Variants in MTF1 observed in about 807,000 individuals in gnomAD.
MTF1 encodes MRE-binding transcription factor.
In MTF1, 22 loss-of-function variants were observed where a neutral mutation model predicts 70.4. The observed-to-expected ratio is 0.31, with a 90% CI of 0.22 to 0.45. The LOEUF is 0.45. Ranked by LOEUF, MTF1 falls within the 20% of genes least tolerant of loss-of-function variation. The probability of loss-of-function intolerance (pLI) is 1.00; values close to 1 mark genes in which losing one functional copy is unlikely to be tolerated. For synonymous variants in MTF1, 333 were observed against 352.8 expected (o/e 0.94, Z 0.63); for missense variants, 649 against 922.0 (o/e 0.70, Z 3.83).
chr1:37,820,205 C>T (rs1025589912), intron 9 of MTF1, among the ~76,000 whole-genome samples: 1 of 152,184 alleles, frequency 6.6e-6, no homozygotes, highest in African/African-American at 2.4e-5. Context: ...AGTGTTCTCC[C>T]TGTTGAGCCC....
intron 2 of MTF1, among the ~76,000 whole-genome samples, chr1:37,846,173 T>G (rs965946618): frequency 2.0e-5 from 3 of 152,154 alleles, no homozygotes; most frequent in African/African-American, 4.8e-5. Context: ...ATATAAAAAT[T>G]GTCCCTACTC....
intron 2 of MTF1, among the ~76,000 whole-genome samples, chr1:37,846,290 T>C (rs1425825273): frequency 6.6e-6 from 1 of 150,952 alleles, no homozygotes; most frequent in African/African-American, 2.4e-5. Flanking sequence ...CAAAGAAACA[T>C]GTAACAGACT....
chr1:37,858,173 TGA>T (rs1187408132), intron 1 of MTF1, among the ~76,000 whole-genome samples: 1 of 152,224 alleles, frequency 6.6e-6, no homozygotes, highest in Non-Finnish European at 1.5e-5. Flanking sequence ...GCTGAAAGGC[TGA>T]GTTGCTACAA....
intron 2 of MTF1, among the ~76,000 whole-genome samples, chr1:37,843,294 C>T (rs1641283706): frequency 6.6e-6 from 1 of 152,044 alleles, no homozygotes; most frequent in Admixed American, 6.5e-5. Flanking sequence ...AGCCACCACG[C>T]CTGGCCTGGT....
chr1:37,826,296 C>G (rs147204543), intron 7 of MTF1, among the ~76,000 whole-genome samples: 18 of 152,194 alleles, frequency 1.2e-4, no homozygotes, highest in African/African-American at 4.1e-4. Context: ...CTTTTCCCCC[C>G]CTTTTTTTCA....
At chr1:37,837,863 G>A (rs1390739611) in intron 4 of MTF1, among the ~76,000 whole-genome samples, 1 of 152,072 alleles carries the variant, frequency 6.6e-6, no homozygotes, top group Admixed American at 6.5e-5. Context: ...TTACATTTAG[G>A]GGAAATCCTT....
At chr1:37,851,710 T>G (rs1641420440) in intron 2 of MTF1, among the ~76,000 whole-genome samples, 1 of 152,218 alleles carries the variant, frequency 6.6e-6, no homozygotes. Context: ...CATGAAACAC[T>G]TTCACACAGT....
Position 37,813,386 on chromosome 1 carries a change from C to T in MTF1, c.*1750G>A, listed in dbSNP as rs1640765502. 6.6e-6 allele frequency: 1 copy of T among 152,222 alleles called. No individual in the cohort carries two copies. The highest frequency in any genetic ancestry group is 1.5e-5 in the Non-Finnish European group (1 of 68,050). 9.4% of individuals were successfully genotyped at this position (152,222 alleles called of 1,614,324 possible). A position where few individuals can be genotyped will look rare whatever the true frequency, so the allele number is the denominator to read the frequency against. The stretch of plus-strand genomic sequence containing the variant: ...TTCTCCTCATGGCAGTAACAACATT[C>T]ACCACCACTGCCCTCTTTGTCTGTC... On this transcript the variant is annotated 3_prime_UTR_variant, in exon 11 of 11. Coordinates refer to ENST00000373036, the MANE Select transcript of MTF1 (RefSeq NM_005955.3).
At chr1:37,822,026 G>T in intron 9 of MTF1, 95 bp downstream of exon 9, 1 of 983,456 alleles carries the variant, frequency 1.0e-6, no homozygotes, top group Non-Finnish European at 1.5e-6. Context: ...CGGTGGATAT[G>T]ACAGCCACTT....
At chr1:37,851,259 G>C (rs1641414918) in intron 2 of MTF1, among the ~76,000 whole-genome samples, 2 of 152,188 alleles carry the variant, frequency 1.3e-5, no homozygotes, top group Non-Finnish European at 2.9e-5. Context: ...CTCATGGATA[G>C]CATGGAAAAA....
intron 2 of MTF1, among the ~76,000 whole-genome samples, chr1:37,845,908 T>C (rs957214743): frequency 6.6e-6 from 1 of 152,130 alleles, no homozygotes; most frequent in African/African-American, 2.4e-5. Context: ...CTTGCCTCAT[T>C]TGGAGGGAGA....
intron 7 of MTF1, among the ~76,000 whole-genome samples, chr1:37,827,306 G>A (rs559159085): frequency 7.3e-5 from 11 of 150,782 alleles, no homozygotes; most frequent in Non-Finnish European, 1.5e-4. Context: ...AACTACCACT[G>A]AGCATAAGCT....
intron 7 of MTF1, among the ~76,000 whole-genome samples, chr1:37,828,022 T>C (rs542020964): frequency 2.6e-5 from 4 of 152,262 alleles, no homozygotes; most frequent in Admixed American, 6.5e-5. Context: ...ATTTAGTGTA[T>C]TGTGGTATAT....
In MTF1 at chr1:37,858,863, T is replaced by C. The variant is rs952641944; in HGVS notation, c.-52+668A>G. Among the ~76,000 whole-genome samples the C allele has an allele frequency of 2.4e-4, 37 of 152,216 alleles. 1 individual carries two copies. Among genetic ancestry groups the C allele is most frequent in the Admixed American group, 2.4e-3 (37 of 15,276 alleles). ...CATCTGCAAACACAGGCTCTACAAA[T>C]GTGGGTTTGGCAGGCAGAATAGAGA... On this transcript the variant is annotated intron_variant, in intron 1 of 10. Transcript: ENST00000373036.
At chr1:37,853,409 A>T (rs998159571) in intron 2 of MTF1, among the ~76,000 whole-genome samples, 2 of 152,238 alleles carry the variant, frequency 1.3e-5, no homozygotes, top group South Asian at 4.1e-4. Context: ...CTGTTTTTGT[A>T]AAGTCTTATC....
intron 2 of MTF1, among the ~76,000 whole-genome samples, chr1:37,847,820 A>G (rs1439798444): frequency 6.6e-6 from 1 of 151,874 alleles, no homozygotes; most frequent in African/African-American, 2.4e-5. Context: ...ACATAGCAAG[A>G]CCGCGACTCT....
intron 3 of MTF1, among the ~76,000 whole-genome samples, chr1:37,839,391 A>G (rs926495629): frequency 1.3e-5 from 2 of 152,164 alleles, no homozygotes; most frequent in African/African-American, 2.4e-5. Context: ...ACTTGGAATC[A>G]TGCCTAGCAC....
In MTF1 at chr1:37,810,338, C is replaced by T. The variant is rs566137409; in HGVS notation, c.*4798G>A. The T allele has an allele frequency of 1.4e-4, 22 of 152,582 alleles. No individual in the cohort carries two copies. The highest frequency in any genetic ancestry group is 5.2e-4 in the Admixed American group (8 of 15,306). The allele number at this position is 152,582 out of a possible 1,614,324, so 9.5% of individuals were successfully genotyped here. A position where few individuals can be genotyped will look rare whatever the true frequency, so the allele number is the denominator to read the frequency against. ...CATTATCACCCAATTTTTGGCCCAA[C>T]AGGCACACCACCAAAAGGGCAGTGT... On this transcript the variant is annotated 3_prime_UTR_variant, in exon 11 of 11. Transcript: ENST00000373036.
intron 1 of MTF1, 103 bp downstream of exon 1, chr1:37,859,428 G>T: frequency 5.0e-6 from 2 of 398,432 alleles, no homozygotes; most frequent in South Asian, 2.6e-4. Flanking sequence ...TCCCTATGGT[G>T]ACCAAACTGA....
Sources: allele counts gnomAD v4.1 joint callset (sites outside exome capture counted in the v4.1 genomes callset), GRCh38; gene constraint gnomAD v4.1.1; transcripts MANE v1.5; gene names NCBI Gene and HGNC (gene_info 2026-07-23, HGNC 2026-07-21).